The following COL4A4 variants were observed in gnomAD, a reference collection of about 807,000 sequenced individuals.
COL4A4 encodes the protein collagen alpha-4(IV) chain.
COL4A4 carries 105 observed loss-of-function variants against 192.9 expected under a neutral mutation model. The ratio of observed to expected loss-of-function variants is 0.54; its 90% CI spans 0.46 to 0.64. COL4A4 has a LOEUF of 0.64. Ranked by LOEUF, COL4A4 falls within the 30% of genes least tolerant of loss-of-function variation. COL4A4 has a pLI of 0.00. For synonymous variants in COL4A4, 762 were observed against 769.9 expected (o/e 0.99, Z 0.17); for missense variants, 1,967 against 2,169.3 (o/e 0.91, Z 1.85).
At chr2:227,029,411 T>C (rs2149944275) in intron 41 of COL4A4, among the ~76,000 whole-genome samples, 1 of 152,348 alleles carries the variant, frequency 6.6e-6, no homozygotes, top group East Asian at 1.9e-4. Flanking sequence ...TTGATTTCAT[T>C]GCTAATACAG....
In COL4A4 at chr2:227,050,703, C is replaced by T. The variant is rs545949682; in HGVS notation, c.3150+274G>A. On this transcript the variant is annotated intron_variant, in intron 33 of 47. Coordinates refer to ENST00000396625, the MANE Select transcript of COL4A4 (RefSeq NM_000092.5). ...ACTTTCATTCCAGTAAACCAGTGGT[C>T]ATGAGGCAAGTCTTCATGGGTGGTT... 5.9e-5 allele frequency among the ~76,000 whole-genome samples: 9 copies of T among 152,284 alleles called. No individual in the cohort carries two copies. The South Asian group carries it at 1.9e-3, about 32-fold the overall frequency.
At chr2:227,064,368 A>G (rs980329267) in intron 25 of COL4A4, among the ~76,000 whole-genome samples, 4 of 152,230 alleles carry the variant, frequency 2.6e-5, no homozygotes, top group African/African-American at 9.6e-5. Flanking sequence ...AATAAGAAAA[A>G]AATGAACAAA....
intron 1 of COL4A4, among the ~76,000 whole-genome samples, chr2:227,150,829 C>A (rs1317377990): frequency 6.6e-6 from 1 of 152,098 alleles, no homozygotes; most frequent in African/African-American, 2.4e-5. Flanking sequence ...CTGGTCCCAC[C>A]CTTGACATGT....
intron 31 of COL4A4, 21 bp from the exon 32 acceptor site, chr2:227,052,433 A>T: frequency 7.4e-7 from 1 of 1,359,824 alleles, no homozygotes; most frequent in Non-Finnish European, 1.1e-6. Flanking sequence ...TAATTATGCA[A>T]GAACAAAATG....
At chr2:226,988,795 G>A in the COL4A4 span, 1 of 772,530 alleles carries the variant, frequency 1.3e-6, no homozygotes, top group Non-Finnish European at 1.6e-6. Context: ...CTCTATTTTA[G>A]AAAATACTTG....
chr2:227,028,034 A>G, intron 41 of COL4A4, 25 bp from the exon 42 acceptor site: 1 of 1,433,902 alleles, frequency 7.0e-7, no homozygotes, highest in Middle Eastern at 1.7e-4. Context: ...AAACATAAAA[A>G]TGAGGGCACT....
chr2:227,059,870 C>T (rs751632565), intron 27 of COL4A4, among the ~76,000 whole-genome samples: 3 of 152,162 alleles, frequency 2.0e-5, no homozygotes, highest in Middle Eastern at 3.4e-3. Flanking sequence ...TCTGGCTGGA[C>T]TGAGTAGTTT....
downstream of COL4A4, among the ~76,000 whole-genome samples, chr2:227,000,225 C>T (rs1960583255): frequency 6.6e-6 from 1 of 152,192 alleles, no homozygotes; most frequent in Admixed American, 6.5e-5. Flanking sequence ...ACCCAGGGCC[C>T]ACAGCACCTG....
At chr2:227,155,749 C>T (rs1428513971) in intron 1 of COL4A4, among the ~76,000 whole-genome samples, 1 of 152,108 alleles carries the variant, frequency 6.6e-6, no homozygotes, top group Non-Finnish European at 1.5e-5. Context: ...ACATGGAAAC[C>T]ATCTGCCTCC....
chr2:227,074,510 A>G (rs2058910160), intron 25 of COL4A4, among the ~76,000 whole-genome samples: 1 of 152,210 alleles, frequency 6.6e-6, no homozygotes, highest in African/African-American at 2.4e-5. Flanking sequence ...CTAAAGAGAT[A>G]AAAGTAGATC....
rs562291259 is a variant in COL4A4, at chr2:227,090,793, T to A, written c.1370-836A>T. Among the ~76,000 whole-genome samples the A allele has an allele frequency of 5.1e-3, 638 of 126,058 alleles. 8 individuals are homozygous for A. The highest frequency in any genetic ancestry group is 0.023 in the Middle Eastern group (5 of 222). The allele number at this position is 126,058 out of a possible 152,430, so 82.7% of individuals were successfully genotyped here. A position where few individuals can be genotyped will look rare whatever the true frequency, so the allele number is the denominator to read the frequency against. On this transcript the variant is annotated intron_variant, in intron 20 of 47. Transcript: ENST00000396625. ...TAAATAAATAAAATAAATAAATAAA[T>A]AAAAATAAGTATAAACCCACAGGAC...
intron 27 of COL4A4, 87 bp from the exon 28 acceptor site, chr2:227,059,710 T>C (rs981046817): frequency 3.7e-6 from 4 of 1,067,270 alleles, no homozygotes; most frequent in Admixed American, 1.9e-5. Flanking sequence ...TAAAAATACT[T>C]TTCTTAAAAA....
intron 4 of COL4A4, among the ~76,000 whole-genome samples, chr2:227,137,039 T>C (rs571513272): frequency 6.6e-6 from 1 of 152,290 alleles, no homozygotes; most frequent in African/African-American, 2.4e-5. Context: ...ACTTGCAGCC[T>C]TCCCATGGAA....
chr2:227,071,812 T>C (rs763014804), intron 25 of COL4A4, among the ~76,000 whole-genome samples: 23 of 152,036 alleles, frequency 1.5e-4, no homozygotes, highest in Non-Finnish European at 3.1e-4. Context: ...GGGTTAACAA[T>C]GAAATCAGGA....
At chr2:227,071,373 A>G (rs112611433) in intron 25 of COL4A4, among the ~76,000 whole-genome samples, 63 of 152,166 alleles carry the variant, frequency 4.1e-4, no homozygotes, top group Non-Finnish European at 4.3e-4. Context: ...TATATGCACC[A>G]AACACTGGAG....
At chr2:227,112,948 T>G (rs1006150767) in intron 8 of COL4A4, among the ~76,000 whole-genome samples, 1 of 152,138 alleles carries the variant, frequency 6.6e-6, no homozygotes, top group East Asian at 1.9e-4. Flanking sequence ...CCACATTTTG[T>G]TTATCCATTC....
intron 35 of COL4A4, among the ~76,000 whole-genome samples, chr2:227,044,616 T>A (rs935763755): frequency 1.1e-3 from 124 of 114,356 alleles, no homozygotes; most frequent in Admixed American, 1.3e-3. Flanking sequence ...CACTGAAATA[T>A]TAAAAATAAA....
At position 227,052,394 on chromosome 2, in the gene COL4A4, C is replaced by G; in HGVS notation, c.2879G>C (p.Gly960Ala). The G allele has an allele frequency of 6.2e-7, 1 of 1,608,680 alleles. No individual in the cohort carries two copies. The change falls in exon 32 of 48, where the codon GGA (glycine) becomes GCA (alanine). Residue 960 changes from glycine to alanine, a missense_variant. Transcript: ENST00000396625. Reference sequence around the variant, plus strand: ...AATGATAGCCATTTCTCCTTCATCTCCGGGAGGTCCTATGGCTCCTATGGA... The same window carrying G: ...AATGATAGCCATTTCTCCTTCATCTGCGGGAGGTCCTATGGCTCCTATGGA... ...RGAKGAIGPP[G>A]DEGEMAIISQ...
At chr2:227,102,690 C>T (rs1004663291) in intron 15 of COL4A4, 99 bp downstream of exon 15, 70 of 996,542 alleles carry the variant, frequency 7.0e-5, no homozygotes, top group Non-Finnish European at 1.1e-4. Flanking sequence ...ATGAGCTATT[C>T]TTCACTTTTG....
Sources: allele counts gnomAD v4.1 joint callset (sites outside exome capture counted in the v4.1 genomes callset), GRCh38; gene constraint gnomAD v4.1.1; transcripts MANE v1.5; gene names NCBI Gene and HGNC (gene_info 2026-07-23, HGNC 2026-07-21).